Variants in HIVEP3 observed in about 807,000 individuals in gnomAD.
HIVEP3 encodes HIVEP zinc finger 3.
A neutral mutation model predicts 152.8 loss-of-function variants in HIVEP3; 49 were observed. The observed-to-expected ratio is 0.32, with a 90% CI of 0.26 to 0.41. The LOEUF is 0.41. HIVEP3 is among the 10% of genes least tolerant of loss of function. HIVEP3 has a pLI of 1.00. For synonymous variants in HIVEP3, 1,269 were observed against 1,289.0 expected (o/e 0.98, Z 0.33); for missense variants, 2,790 against 3,103.3 (o/e 0.90, Z 2.40).
At chr1:42,004,262 T>C (rs1645445616) in intron 1 of HIVEP3, among the ~76,000 whole-genome samples, 1 of 152,202 alleles carries the variant, frequency 6.6e-6, no homozygotes, top group Non-Finnish European at 1.5e-5. Context: ...ACTGTAGGCA[T>C]TCTAAGCCTT....
chr1:41,510,650 G>C lies in HIVEP3; in HGVS notation c.7022C>G (p.Pro2341Arg). 1 of 1,538,626 alleles carries C rather than the reference G, an allele frequency of 6.5e-7. No homozygotes were observed. Among genetic ancestry groups the C allele is most frequent in the Non-Finnish European group, 8.8e-7 (1 of 1,140,872 alleles). ...RLESPRAPTN[P>R]EPSATPPLDR... ...CAGCGGCGGGGTGGCAGAAGGCTCG[G>C]GGTTGGTCGGTGCACGCGGGGACTC... is the stretch of plus-strand genomic sequence containing the variant. Residue 2341 changes from proline (P) to arginine (R), a missense_variant, in exon 9 of 9, where the codon CCC becomes CGC. By Grantham distance (103) the Pro-to-Arg change is moderately radical (BLOSUM62 -2). Coordinates refer to ENST00000372583, the MANE Select transcript of HIVEP3 (RefSeq NM_024503.5).
intron 1 of HIVEP3, among the ~76,000 whole-genome samples, chr1:42,033,179 G>A (rs1482141935): frequency 6.6e-6 from 1 of 152,030 alleles, no homozygotes; most frequent in African/African-American, 2.4e-5. Context: ...GGAACTCTTT[G>A]GTCTGCCATG....
At chr1:41,769,839 C>A (rs1648235762) in intron 1 of HIVEP3, among the ~76,000 whole-genome samples, 1 of 152,198 alleles carries the variant, frequency 6.6e-6, no homozygotes, top group African/African-American at 2.4e-5. Flanking sequence ...AGGGACAACT[C>A]TTTCTTACAA....
chr1:41,560,656 G>T (rs1392938280), intron 5 of HIVEP3, among the ~76,000 whole-genome samples: 1 of 152,216 alleles, frequency 6.6e-6, no homozygotes, highest in African/African-American at 2.4e-5. Context: ...GGACTGCAAG[G>T]AACTGCTGAA....
rs1308367719 is a variant in HIVEP3, at chr1:41,581,978, C to T, written c.2820G>A (p.Leu940=). 6.2e-7 allele frequency: 1 copy of T among 1,614,032 alleles called. No individual in the cohort carries two copies. The highest frequency in any genetic ancestry group is 8.5e-7 in the Non-Finnish European group (1 of 1,180,028). Residue 940 remains leucine (L), a synonymous_variant, in exon 4 of 9, where the codon TTG becomes TTA. Coordinates refer to ENST00000372583, the MANE Select transcript of HIVEP3 (RefSeq NM_024503.5). This position sits in a 1 kb window ranked among gnomAD's most constrained non-coding sequence, Gnocchi z 4.5. ...RSPSQESNVS[L]SGSSRSASFE... is the part of the protein sequence containing the mutation. The stretch of plus-strand genomic sequence containing the variant: ...ACGAGGCTGAGCGGCTGGACCCACT[C>T]AAAGAGACATTGCTTTCCTGGCTCG...
chr1:41,718,800 G>GCA (rs71788756), intron 1 of HIVEP3, among the ~76,000 whole-genome samples: 13,012 of 150,510 alleles, frequency 0.086, 1,465 homozygotes, highest in African/African-American at 0.25. Context: ...ACACACACGT[G>GCA]CACACACACA....
chr1:42,022,813 G>A (rs1306479568), intron 1 of HIVEP3, among the ~76,000 whole-genome samples: 2 of 152,178 alleles, frequency 1.3e-5, no homozygotes, highest in Non-Finnish European at 1.5e-5. Context: ...GGGAATGGTT[G>A]TAAGTACTTA....
chr1:42,016,051 C>A (rs1432256677), intron 1 of HIVEP3, among the ~76,000 whole-genome samples: 1 of 152,166 alleles, frequency 6.6e-6, no homozygotes, highest in African/African-American at 2.4e-5. Context: ...GCTGAAACAG[C>A]ATGAATGGTT....
chr1:41,572,421 C>T (rs533182293), intron 5 of HIVEP3, among the ~76,000 whole-genome samples: 8 of 3,180 alleles, frequency 2.5e-3, no homozygotes, highest in East Asian at 0.25. Flanking sequence ...GTCTGGGTCT[C>T]GCCCACCCTC....
At position 41,584,845 on chromosome 1, in the gene HIVEP3, C is replaced by A; in HGVS notation, c.-48G>T. On this transcript the variant is annotated 5_prime_UTR_variant, in exon 4 of 9. Transcript: ENST00000372583. The surrounding 1 kb of genome is among the most constrained non-coding windows in gnomAD (Gnocchi z 5.2). ...GCTATTCAGGGAGAGTCAGGGCGGG[C>A]TGCATTTATGAATAATCCCAGTGTC... The A allele has an allele frequency of 7.0e-7, 1 of 1,430,734 alleles. No individual in the cohort carries two copies. The highest frequency in any genetic ancestry group is 9.3e-7 in the Non-Finnish European group (1 of 1,081,040). The allele number at this position is 1,430,734 out of a possible 1,614,324, so 88.6% of individuals were successfully genotyped here.
At chr1:41,723,539 T>TA (rs998217973) in intron 1 of HIVEP3, among the ~76,000 whole-genome samples, 3 of 144,030 alleles carry the variant, frequency 2.1e-5, no homozygotes, top group African/African-American at 8.4e-5. Context: ...ACAGCCACCA[T>TA]AAAAAAATAT....
intron 1 of HIVEP3, among the ~76,000 whole-genome samples, chr1:42,032,526 A>G (rs567567480): frequency 6.6e-6 from 1 of 152,196 alleles, no homozygotes; most frequent in African/African-American, 2.4e-5. Flanking sequence ...CAGGTCTTGC[A>G]TTAGCCACGG....
chr1:41,736,273 G>A (rs1308038405), intron 1 of HIVEP3, among the ~76,000 whole-genome samples: 3 of 152,280 alleles, frequency 2.0e-5, no homozygotes, highest in South Asian at 2.1e-4. Flanking sequence ...TGCATCCCCC[G>A]TGGTGTTCAG....
At chr1:41,619,853 G>A (rs1453609623) in intron 3 of HIVEP3, among the ~76,000 whole-genome samples, 1 of 152,196 alleles carries the variant, frequency 6.6e-6, no homozygotes, top group African/African-American at 2.4e-5. Flanking sequence ...GAAATTCGCA[G>A]AGGTAGCCCC....
At chr1:42,005,060 G>A (rs530455302) in intron 1 of HIVEP3, among the ~76,000 whole-genome samples, 1 of 152,242 alleles carries the variant, frequency 6.6e-6, no homozygotes, top group Non-Finnish European at 1.5e-5. Flanking sequence ...TAGGGACTTT[G>A]CCCTGGCCAT....
chr1:41,845,031 T>A (rs966155141), intron 1 of HIVEP3, among the ~76,000 whole-genome samples: 2 of 152,154 alleles, frequency 1.3e-5, no homozygotes, highest in Admixed American at 6.5e-5. Context: ...GGGAGCTCCA[T>A]CCCTGGGCAT....
At position 41,512,910 on chromosome 1, in the gene HIVEP3, G is replaced by A. The variant is rs1475762972; in HGVS notation, c.6311C>T (p.Pro2104Leu). 4 of 1,586,814 alleles carry A rather than the reference G, an allele frequency of 2.5e-6. No homozygotes were observed. The African/African-American group carries it at 4.0e-5, about 16-fold the overall frequency. ...AACCCGTGGGTCCAGCCCCAAGCCT[G>A]GGCCATGCTCCCCCGCTGAGGGGCT... Reference protein sequence around the residue: ...PGSPSAGEHGPGLGLDPRVLF... With the variant: ...PGSPSAGEHGLGLGLDPRVLF... The change falls in exon 8 of 9, where the codon CCA (proline) becomes CTA (leucine). Residue 2104 changes from proline to leucine, a missense_variant. By Grantham distance (98) the Pro-to-Leu change is moderately conservative. This residue lies in a region of HIVEP3 where 816 missense variants were observed against 806.5 expected (regional missense o/e 1.01). Transcript: ENST00000372583.
At chr1:41,897,938 GGAGAGAGA>G (rs71065103) in intron 1 of HIVEP3, among the ~76,000 whole-genome samples, 12,565 of 129,328 alleles carry the variant, frequency 0.097, 807 homozygotes, top group East Asian at 0.38. Context: ...TGAGAGAGAG[GGAGAGAGA>G]GAGAGAGAGA....
chr1:41,761,426 A>G (rs1251837586), intron 1 of HIVEP3, among the ~76,000 whole-genome samples: 1 of 151,596 alleles, frequency 6.6e-6, no homozygotes, highest in Non-Finnish European at 1.5e-5. Context: ...ATGTATAAGC[A>G]TGTGTCTCTG....
Sources: gnomAD v4.1 joint callset for allele counts (sites outside exome capture counted in the v4.1 genomes callset) on GRCh38, gnomAD v4.1.1 for gene constraint, gnomAD v4.1.1 regional missense constraint, Gnocchi (gnomAD v3.1) non-coding constraint, MANE v1.5 for transcripts, NCBI Gene and HGNC (gene_info 2026-07-23, HGNC 2026-07-21) for gene names.